The following ZDHHC11B variants were observed in gnomAD, a reference collection of about 807,000 sequenced individuals.
ZDHHC11B encodes zDHHC palmitoyltransferase 11B (putative).
A neutral mutation model predicts 42.3 loss-of-function variants in ZDHHC11B; 17 were observed. That is an observed-to-expected ratio of 0.40 (90% CI 0.27 to 0.60). The LOEUF (loss-of-function observed/expected upper bound fraction) is 0.60. Among genes scored for constraint, ZDHHC11B ranks in the 20% least tolerant of loss-of-function variants. The pLI is 0.41. For missense variants in ZDHHC11B, 262 were observed against 463.2 expected (o/e 0.57, Z 3.99); for synonymous variants, 123 against 193.5 (o/e 0.64, Z 3.02).
chr5:721,269 AT>A (rs1207077724), intron 12 of ZDHHC11B, among the ~76,000 whole-genome samples: 13 of 138,264 alleles, frequency 9.4e-5, no homozygotes. Context: ...GATTTTTTAA[AT>A]GGGCAGGAAT....
chr5:726,206 G>A lies in ZDHHC11B; in HGVS notation c.1058+4228C>T, dbSNP rs868420246. On this transcript the variant is annotated intron_variant, in intron 12 of 13. Coordinates refer to ENST00000508859, the MANE Select transcript of ZDHHC11B (RefSeq NM_001351303.2). ...CAACATCACACCTCACAGGCTCTTA[G>A]TGAATGGACTTTCCCCGTGTGGCAA... Among the ~76,000 whole-genome samples the A allele has an allele frequency of 4.7e-3, 709 of 151,300 alleles. 24 individuals are homozygous for A. The highest frequency in any genetic ancestry group is 0.017 in the African/African-American group (675 of 40,778).
At chr5:777,570 A>G (rs112927770) in intron 1 of ZDHHC11B, among the ~76,000 whole-genome samples, 1,809 of 151,156 alleles carry the variant, frequency 0.012, 19 homozygotes, top group African/African-American at 0.041. Flanking sequence ...CGTTCCGGCT[A>G]CCCGCTTTTA....
At chr5:749,432 C>T (rs151285400) in intron 7 of ZDHHC11B, among the ~76,000 whole-genome samples, 1,446 of 129,944 alleles carry the variant, frequency 0.011, 358 homozygotes, top group South Asian at 0.031. Flanking sequence ...CTTTGGGTGA[C>T]GGACCCTCTC....
intron 13 of ZDHHC11B, among the ~76,000 whole-genome samples, chr5:713,192 C>T (rs1265655452): frequency 1.4e-4 from 22 of 151,730 alleles, no homozygotes; most frequent in African/African-American, 4.4e-4. Context: ...ATTTCTGTCA[C>T]TTTGTATCTA....
intron 12 of ZDHHC11B, among the ~76,000 whole-genome samples, chr5:723,657 G>C (rs1420561698): frequency 9.1e-6 from 1 of 109,582 alleles, no homozygotes; most frequent in African/African-American, 3.0e-5. Context: ...GGCCACAGGC[G>C]GGGTCTGGGG....
chr5:749,296 C>T (rs1745290014), intron 7 of ZDHHC11B, among the ~76,000 whole-genome samples: 3 of 130,592 alleles, frequency 2.3e-5, no homozygotes, highest in African/African-American at 7.5e-5. Flanking sequence ...ACTGGGCTGC[C>T]AACACTCAAA....
intron 1 of ZDHHC11B, among the ~76,000 whole-genome samples, chr5:770,192 C>T (rs1327966941): frequency 6.6e-6 from 1 of 150,502 alleles, no homozygotes; most frequent in Admixed American, 6.7e-5. Flanking sequence ...CAGGAAACCC[C>T]GCCATACCAA....
chr5:718,152 G>A (rs1204902040), intron 12 of ZDHHC11B, among the ~76,000 whole-genome samples: 1 of 151,852 alleles, frequency 6.6e-6, no homozygotes, highest in Admixed American at 6.6e-5. Context: ...AGGATTGTGA[G>A]ACATACAGGT....
At chr5:776,895 G>T (rs565494216) in intron 1 of ZDHHC11B, among the ~76,000 whole-genome samples, 92 of 151,826 alleles carry the variant, frequency 6.1e-4, no homozygotes, top group African/African-American at 2.1e-3. Context: ...CGGCCCTCCT[G>T]CTCCGCGGGA....
intron 1 of ZDHHC11B, among the ~76,000 whole-genome samples, chr5:770,789 T>C (rs1198702952): frequency 6.6e-6 from 1 of 151,922 alleles, no homozygotes; most frequent in Non-Finnish European, 1.5e-5. Context: ...GAGGCAGTGC[T>C]GGGGGCACCG....
intron 10 of ZDHHC11B, among the ~76,000 whole-genome samples, chr5:736,262 A>G (rs907917425): frequency 1.3e-5 from 2 of 149,978 alleles, no homozygotes; most frequent in African/African-American, 4.9e-5. Flanking sequence ...CTCCAAAAGG[A>G]AAAATATCAC....
chr5:736,912 G>A (rs1234977335), intron 10 of ZDHHC11B, among the ~76,000 whole-genome samples: 1 of 131,004 alleles, frequency 7.6e-6, no homozygotes, highest in African/African-American at 2.8e-5. Flanking sequence ...AGTAACCAGA[G>A]AAACAAGAAC....
chr5:771,642 C>G (rs1229097111), intron 1 of ZDHHC11B, among the ~76,000 whole-genome samples: 2 of 151,792 alleles, frequency 1.3e-5, no homozygotes, highest in Non-Finnish European at 2.9e-5. Flanking sequence ...CAGGCCTGGC[C>G]TGTGTTTCCC....
At chr5:718,845 G>A (rs1337758359) in intron 12 of ZDHHC11B, among the ~76,000 whole-genome samples, 5 of 151,768 alleles carry the variant, frequency 3.3e-5, no homozygotes, top group African/African-American at 1.2e-4. Flanking sequence ...GCTGGCTGAT[G>A]TCAGAGTGAG....
chr5:769,607 G>C (rs1238200568), intron 1 of ZDHHC11B, among the ~76,000 whole-genome samples: 1 of 151,784 alleles, frequency 6.6e-6, no homozygotes, highest in Non-Finnish European at 1.5e-5. Context: ...CCTCACGCGA[G>C]CCCGCGAGTG....
At chr5:732,632 C>T (rs1743102793) in intron 11 of ZDHHC11B, 1 of 451,226 alleles carries the variant, frequency 2.2e-6, no homozygotes, top group Non-Finnish European at 4.4e-6. Context: ...GAGCCTGTTC[C>T]CTGAAATCCT....
chr5:732,654 G>C, intron 11 of ZDHHC11B: 1 of 451,672 alleles, frequency 2.2e-6, no homozygotes, highest in East Asian at 7.0e-5. Flanking sequence ...GGGAAGTGCG[G>C]TGAGGCGGCC....
intron 4 of ZDHHC11B, among the ~76,000 whole-genome samples, chr5:761,419 T>C (rs768273382): frequency 3.3e-5 from 5 of 151,714 alleles, no homozygotes; most frequent in African/African-American, 4.8e-5. Context: ...TTTGGGGGTA[T>C]GGGGACTCAG....
intron 13 of ZDHHC11B, among the ~76,000 whole-genome samples, chr5:714,370 C>T (rs1741591611): frequency 6.9e-6 from 1 of 144,762 alleles, no homozygotes; most frequent in South Asian, 2.2e-4. Flanking sequence ...GACTCCTACA[C>T]CACAGGCACT....
Sources: allele counts gnomAD v4.1 joint callset (sites outside exome capture counted in the v4.1 genomes callset), GRCh38; gene constraint gnomAD v4.1.1; transcripts MANE v1.5; gene names NCBI Gene and HGNC (gene_info 2026-07-23, HGNC 2026-07-21).